The following KICS2 variants were observed in gnomAD, a reference collection of about 807,000 sequenced individuals.
The protein encoded by KICS2 is KICSTOR subunit 2, also known as KICSTOR complex protein C12orf66.
In KICS2, 13 loss-of-function variants were observed where a neutral mutation model predicts 31.4. That is an observed-to-expected ratio of 0.41 (90% CI 0.27 to 0.66). The LOEUF (loss-of-function observed/expected upper bound fraction) is 0.66. Among genes scored for constraint, KICS2 ranks in the 30% least tolerant of loss-of-function variants. The pLI, the probability that KICS2 is intolerant of heterozygous loss-of-function variation, is 0.28. For missense variants in KICS2, 455 were observed against 545.4 expected (o/e 0.83, Z 1.65); for synonymous variants, 209 against 214.8 (o/e 0.97, Z 0.24).
chr12:64,217,582 C>T (rs1359070223), intron 1 of KICS2, among the ~76,000 whole-genome samples: 1 of 151,764 alleles, frequency 6.6e-6, no homozygotes, highest in African/African-American at 2.4e-5. Flanking sequence ...GAGGATCACC[C>T]GAGGTCAGGA....
downstream of KICS2, chr12:64,187,740 C>T: frequency 9.5e-7 from 1 of 1,052,476 alleles, no homozygotes; most frequent in South Asian, 1.6e-5. Flanking sequence ...TTTTGTTTCT[C>T]ACTTAGGAGA....
At chr12:64,194,946 T>A (rs549017683) in intron 2 of KICS2, among the ~76,000 whole-genome samples, 185 of 151,828 alleles carry the variant, frequency 1.2e-3, no homozygotes, top group South Asian at 2.7e-3. Flanking sequence ...ATTTTTTTTT[T>A]TTTATTTATT....
intron 1 of KICS2, 46 bp downstream of exon 1, chr12:64,221,957 C>T (rs1214602859): frequency 1.9e-6 from 3 of 1,572,658 alleles, no homozygotes; most frequent in South Asian, 1.2e-5. Flanking sequence ...GGAATATACC[C>T]CCTTTACTTC....
chr12:64,214,269 G>A (rs1200259167), intron 2 of KICS2, among the ~76,000 whole-genome samples: 1 of 152,192 alleles, frequency 6.6e-6, no homozygotes, highest in African/African-American at 2.4e-5. Flanking sequence ...CAGCTGTGAT[G>A]GAGCTCACAT....
rs924840743 is a variant in KICS2, at chr12:64,205,811, T to A, written c.521+9867A>T. ...AAGGAAGGAAGGCAGGTTCGCTCCA[T>A]AGAATAGAGGAAAATATAAAATGAA... On this transcript the variant is annotated intron_variant, in intron 2 of 2. Transcript: ENST00000398055. Among the ~76,000 whole-genome samples, 13 of 73,372 alleles carry A rather than the reference T, an allele frequency of 1.8e-4. No individual in the cohort carries two copies. The South Asian group carries it at 4.5e-3, about 26-fold the overall frequency. 48.1% of individuals were successfully genotyped at this position (73,372 alleles called of 152,430 possible). A position where few individuals can be genotyped will look rare whatever the true frequency, so the allele number is the denominator to read the frequency against.
chr12:64,221,850 G>A, intron 1 of KICS2, 153 bp downstream of exon 1: 1 of 871,544 alleles, frequency 1.1e-6, no homozygotes, highest in South Asian at 1.8e-5. Context: ...GAAGCCCAGG[G>A]AAGGAAAGGA....
chr12:64,189,617 G>T (rs545130638), downstream of KICS2, among the ~76,000 whole-genome samples: 1 of 152,060 alleles, frequency 6.6e-6, no homozygotes, highest in African/African-American at 2.4e-5. Context: ...TCTGTCTATA[G>T]ACACTTCAAA....
chr12:64,195,736 GGGTGCACGCACCGTGCGCGAGCCGAA>G (rs1464379368), intron 2 of KICS2, among the ~76,000 whole-genome samples: 1 of 152,256 alleles, frequency 6.6e-6, no homozygotes, highest in Admixed American at 6.5e-5. Context: ...GCAGGCCAGT[GGGTGCACGCACCGTGCGCGAGCCGAA>G]GCAGGGCGAG....
intron 2 of KICS2, among the ~76,000 whole-genome samples, chr12:64,208,054 G>A (rs1477276064): frequency 6.6e-6 from 1 of 152,108 alleles, no homozygotes; most frequent in Non-Finnish European, 1.5e-5. Flanking sequence ...CTGTTGCCTA[G>A]GCTGGAGTGC....
chr12:64,222,161 C>G lies in KICS2; in HGVS notation c.77G>C (p.Gly26Ala). 6.2e-7 allele frequency: 1 copy of G among 1,614,094 alleles called. No homozygotes were observed. The part of the protein sequence containing the change: ...AVLETFFSHL[G>A]IFSYDKAKDN... ...CTTAGCCTTGTCGTAAGAGAAGATA[C>G]CCAGGTGAGAGAAGAACGTCTCCAG... Residue 26 changes from glycine to alanine, a missense_variant, in exon 1 of 3, where the codon GGT becomes GCT. Transcript: ENST00000398055.
At chr12:64,206,966 T>G (rs1332034843) in intron 2 of KICS2, among the ~76,000 whole-genome samples, 2 of 152,056 alleles carry the variant, frequency 1.3e-5, no homozygotes, top group Non-Finnish European at 2.9e-5. Context: ...TACAAAAGAC[T>G]GTGAATATAC....
chr12:64,213,484 G>A (rs17712916), intron 2 of KICS2, among the ~76,000 whole-genome samples: 4,807 of 152,198 alleles, frequency 0.032, 139 homozygotes, highest in Non-Finnish European at 0.054. Context: ...TAACCAAGAA[G>A]AGGGTCTTGC....
In KICS2 at chr12:64,196,620, GAGA is replaced by G. The variant is rs1281753145; in HGVS notation, c.522-1965_522-1963del. Among the ~76,000 whole-genome samples, 164 of 151,282 alleles carry G rather than the reference GAGA, an allele frequency of 1.1e-3. 1 individual carries two copies. The highest frequency in any genetic ancestry group is 3.8e-3 in the African/African-American group (154 of 40,966). ...ATGGAGAATGACTTTGACGAGCTGA[GAGA>G]AGAAGGCTTCAGACGATCAAATTAC... On this transcript the variant is annotated intron_variant, in intron 2 of 2. Transcript: ENST00000398055.
rs769570580 is a variant in KICS2, at chr12:64,194,219, C to A, written c.961G>T (p.Gly321Cys). Residue 321 changes from glycine (G) to cysteine (C), a missense_variant, in exon 3 of 3, where the codon GGT becomes TGT. Physicochemically the swap from Gly to Cys is radical, Grantham distance 159. Coordinates refer to ENST00000398055, the MANE Select transcript of KICS2 (RefSeq NM_152440.5). ...ANVSLIFDNR[G>C]SESFQGHGYH... ...CCATGACCCTGAAAACTCTCAGAAC[C>A]TCTGTTGTCAAAAATTAAGGACACA... The A allele has an allele frequency of 3.1e-6, 5 of 1,614,158 alleles. No homozygotes were observed. The highest frequency in any genetic ancestry group is 3.4e-6 in the Non-Finnish European group (4 of 1,180,038).
At chr12:64,203,455 C>T (rs557476849) in intron 2 of KICS2, among the ~76,000 whole-genome samples, 129 of 152,288 alleles carry the variant, frequency 8.5e-4, no homozygotes, top group African/African-American at 3.0e-3. Flanking sequence ...GCAGAGGCTG[C>T]GGAAATCACC....
downstream of KICS2, among the ~76,000 whole-genome samples, chr12:64,189,955 T>C (rs1056401486): frequency 6.6e-6 from 1 of 151,738 alleles, no homozygotes; most frequent in Admixed American, 6.6e-5. Context: ...CAGTAATTGA[T>C]AGAGTAACCA....
At chr12:64,211,758 A>T (rs1005990415) in intron 2 of KICS2, among the ~76,000 whole-genome samples, 1 of 152,118 alleles carries the variant, frequency 6.6e-6, no homozygotes, top group African/African-American at 2.4e-5. Context: ...CAAACAATTT[A>T]AAAAAAAGAA....
At chr12:64,195,416 G>A (rs80291958) in intron 2 of KICS2, among the ~76,000 whole-genome samples, 235 of 152,216 alleles carry the variant, frequency 1.5e-3, no homozygotes, top group African/African-American at 5.5e-3. Context: ...ATGCTATGAG[G>A]TATTAAGCCT....
At position 64,196,535 on chromosome 12, in the gene KICS2, C is replaced by T. The variant is rs1044895548; in HGVS notation, c.522-1877G>A. On this transcript the variant is annotated intron_variant, in intron 2 of 2. Transcript: ENST00000398055. ...CAGAAAAACTGGAAACTCTAAAACG[C>T]AGAGCGTCTCTCCTCCTCCAAAGGA... Among the ~76,000 whole-genome samples, 2 of 151,698 alleles carry T rather than the reference C, an allele frequency of 1.3e-5. 1 individual carries two copies. The highest frequency in any genetic ancestry group is 4.9e-5 in the African/African-American group (2 of 41,080).
Sources: allele counts gnomAD v4.1 joint callset (sites outside exome capture counted in the v4.1 genomes callset), GRCh38; gene constraint gnomAD v4.1.1; transcripts MANE v1.5; gene names NCBI Gene and HGNC (gene_info 2026-07-23, HGNC 2026-07-21).